Variants in RYR3 observed in about 807,000 individuals in gnomAD.
The protein encoded by RYR3 is ryanodine receptor 3.
In RYR3, 207 loss-of-function variants were observed where a neutral mutation model predicts 584.3. That is an observed-to-expected ratio of 0.35 (90% confidence interval 0.32 to 0.40). The LOEUF (loss-of-function observed/expected upper bound fraction) is 0.40, where lower values mean the gene tolerates loss of function less well. RYR3 is among the 10% of genes least tolerant of loss of function. The pLI, the probability that RYR3 is intolerant of heterozygous loss-of-function variation, is 1.00. For missense variants in RYR3, 5,616 were observed against 6,089.2 expected, an observed-to-expected ratio of 0.92 and a Z score of 2.59; for synonymous variants, 2,416 against 2,248.5, an observed-to-expected ratio of 1.07 and a Z score of -2.11.
chr15:33,607,728 A>G (rs942262675), intron 18 of RYR3, among the ~76,000 whole-genome samples: 2 of 152,114 alleles, frequency 1.3e-5, no homozygotes, highest in African/African-American at 2.4e-5. Flanking sequence ...TTTTTTTCTA[A>G]TATTATAAAA....
chr15:33,649,153 T>C lies in RYR3; in HGVS notation c.4060T>C (p.Leu1354=). 1 of 1,613,822 alleles carries C rather than the reference T, an allele frequency of 6.2e-7. No homozygotes were observed. Among genetic ancestry groups the C allele is most frequent in the Non-Finnish European group, 8.5e-7 (1 of 1,179,840 alleles). The change falls in exon 31 of 104, where the codon TTG becomes CTG. Residue 1354 remains leucine, a synonymous_variant. Coordinates refer to ENST00000634891, the MANE Select transcript of RYR3 (RefSeq NM_001036.6). ...WVGWVTPDYH[L]YSEKFDLNKN... ...CGGATGGGTGACTCCAGACTATCAC[T>C]TGTACAGTGAAAAGTTTGACCTGAA...
intron 27 of RYR3, among the ~76,000 whole-genome samples, chr15:33,637,991 C>A (rs1239558092): frequency 6.6e-6 from 1 of 152,050 alleles, no homozygotes; most frequent in Non-Finnish European, 1.5e-5. Context: ...TGTGATGTTC[C>A]CCTTCCTGTG....
intron 1 of RYR3, among the ~76,000 whole-genome samples, chr15:33,428,247 A>T (rs558305123): frequency 4.6e-5 from 7 of 152,326 alleles, no homozygotes; most frequent in African/African-American, 1.4e-4. Flanking sequence ...ATTCGAGTTA[A>T]TGAGCTAATT....
At chr15:33,544,163 C>T (rs191331483) in intron 8 of RYR3, among the ~76,000 whole-genome samples, 5 of 152,206 alleles carry the variant, frequency 3.3e-5, no homozygotes, top group East Asian at 3.9e-4. Context: ...GTGCCAAGGA[C>T]GATGTGTTCT....
intron 38 of RYR3, among the ~76,000 whole-genome samples, chr15:33,682,353 AG>A (rs2152742359): frequency 6.6e-6 from 1 of 152,204 alleles, no homozygotes; most frequent in Non-Finnish European, 1.5e-5. Context: ...GGTAATGAGT[AG>A]GTTTTTTTTT....
intron 55 of RYR3, among the ~76,000 whole-genome samples, chr15:33,749,240 G>A (rs1036003): frequency 0.15 from 23,384 of 152,170 alleles, 2,071 homozygotes; most frequent in South Asian, 0.26. Flanking sequence ...CAGCCCACAC[G>A]TCCCACAGTG....
rs548144181 is a variant in RYR3 at position 33,356,883 on chromosome 15, T to C, written c.51+45787T>C. On this transcript the variant is annotated intron_variant, in intron 1 of 103. Coordinates refer to ENST00000634891, the MANE Select transcript of RYR3 (RefSeq NM_001036.6). ...TAGTAATAATTATAATATGGAAAAA[T>C]AGGCCTTCGGGGGCCATAGTTGAGC... Among the ~76,000 whole-genome samples the C allele has an allele frequency of 3.9e-5, 6 of 152,280 alleles. No homozygotes were observed. In the East Asian group the frequency reaches 1.2e-3, roughly 29 times the overall value.
intron 3 of RYR3, among the ~76,000 whole-genome samples, chr15:33,521,386 T>C (rs1187416917): frequency 1.3e-5 from 2 of 151,642 alleles, no homozygotes; most frequent in Non-Finnish European, 3.0e-5. Flanking sequence ...GTGAAACTAA[T>C]GACATGAACA....
chr15:33,344,361 A>C (rs531353252), intron 1 of RYR3, among the ~76,000 whole-genome samples: 3 of 152,222 alleles, frequency 2.0e-5, no homozygotes, highest in Admixed American at 2.0e-4. Context: ...AGTACTGTCT[A>C]TTTGACAATG....
At chr15:33,326,561 G>A (rs1969728641) in intron 1 of RYR3, among the ~76,000 whole-genome samples, 1 of 152,206 alleles carries the variant, frequency 6.6e-6, no homozygotes, top group Non-Finnish European at 1.5e-5. Context: ...TTTGAACTGG[G>A]GGTTTCTATA....
chr15:33,843,728 A>G (rs148087820), intron 92 of RYR3, among the ~76,000 whole-genome samples, 154 bp downstream of exon 92: 79 of 152,348 alleles, frequency 5.2e-4, no homozygotes, highest in African/African-American at 1.9e-3. Context: ...AAAGGAATAC[A>G]ATTTCTAGCA....
intron 1 of RYR3, among the ~76,000 whole-genome samples, chr15:33,432,608 T>C (rs568727505): frequency 6.2e-4 from 93 of 150,296 alleles, no homozygotes; most frequent in African/African-American, 2.0e-3. Flanking sequence ...TTTCTTTCTT[T>C]TTTTTTTTTT....
rs1482722353 is a variant in RYR3 at position 33,712,017 on chromosome 15, G to T, written c.6619+4963G>T. On this transcript the variant is annotated intron_variant, in intron 43 of 103. Coordinates refer to ENST00000634891, the MANE Select transcript of RYR3 (RefSeq NM_001036.6). ...AGAAGTTTAATTGGCTCGTGGTTCT[G>T]CAGGCTTTACAGGAAGCATGGTGCT... is the stretch of plus-strand genomic sequence containing the variant. 3.3e-5 allele frequency among the ~76,000 whole-genome samples: 5 copies of T among 152,328 alleles called. No homozygotes were observed. In the South Asian group the frequency reaches 6.2e-4, roughly 19 times the overall value.
chr15:33,334,064 C>T (rs1228089531), intron 1 of RYR3, among the ~76,000 whole-genome samples: 1 of 152,214 alleles, frequency 6.6e-6, no homozygotes, highest in Non-Finnish European at 1.5e-5. Flanking sequence ...ATTCCATGCT[C>T]ATGGATAGGA....
intron 60 of RYR3, among the ~76,000 whole-genome samples, chr15:33,763,892 C>CAAAAAAAAAAAAAAA (rs796878162): frequency 1.5e-4 from 7 of 45,864 alleles, no homozygotes; most frequent in African/African-American, 2.7e-4. Context: ...GACTTCATCT[C>CAAAAAAAAAAAAAAA]AAAAAAAAAA....
rs1457565160 is a variant in RYR3 at position 33,570,765 on chromosome 15, A to G, written c.1268+3966A>G. ...TTTTCAGGAAGATATTGTGGTTTTT[A>G]TTATATAAGTCTTGCACTTCTTTTA... On this transcript the variant is annotated intron_variant, in intron 12 of 103. Coordinates refer to ENST00000634891, the MANE Select transcript of RYR3 (RefSeq NM_001036.6). Among the ~76,000 whole-genome samples the G allele has an allele frequency of 2.0e-5, 3 of 152,270 alleles. No individual in the cohort carries two copies. In the East Asian group the frequency reaches 5.8e-4, roughly 29 times the overall value.
intron 85 of RYR3, among the ~76,000 whole-genome samples, chr15:33,828,543 T>G (rs1363556670): frequency 6.6e-6 from 1 of 152,138 alleles, no homozygotes; most frequent in East Asian, 1.9e-4. Context: ...CAAAACACCC[T>G]CATTACTGAA....
At chr15:33,483,505 T>G (rs2050154172) in intron 2 of RYR3, among the ~76,000 whole-genome samples, 1 of 152,218 alleles carries the variant, frequency 6.6e-6, no homozygotes, top group Non-Finnish European at 1.5e-5. Context: ...TTGTGCCAGC[T>G]TGCTCCATTT....
intron 1 of RYR3, among the ~76,000 whole-genome samples, chr15:33,347,185 C>T (rs1299844956): frequency 6.6e-6 from 1 of 152,136 alleles, no homozygotes; most frequent in Admixed American, 6.5e-5. Context: ...ATGTCCCCTT[C>T]AGAGGGAAGT....
Sources: gnomAD v4.1 joint callset for allele counts (sites outside exome capture counted in the v4.1 genomes callset) on GRCh38, gnomAD v4.1.1 for gene constraint, MANE v1.5 for transcripts, NCBI Gene and HGNC (gene_info 2026-07-23, HGNC 2026-07-21) for gene names.